LHFPL3: variants seen among roughly 807,000 people sequenced by gnomAD.
LHFPL3 encodes the protein LHFPL tetraspan subfamily member 3 protein.
A neutral mutation model predicts 19.3 loss-of-function variants in LHFPL3; 5 were observed. The ratio of observed to expected loss-of-function variants is 0.26; its 90% CI spans 0.14 to 0.54. The LOEUF (loss-of-function observed/expected upper bound fraction) is 0.54. Ranked by LOEUF, LHFPL3 falls within the 20% of genes least tolerant of loss-of-function variation. The pLI, the probability that LHFPL3 is intolerant of heterozygous loss-of-function variation, is 0.94. For missense variants in LHFPL3, 249 were observed against 307.4 expected (o/e 0.81, Z 1.42); for synonymous variants, 133 against 126.2 (o/e 1.05, Z -0.36).
chr7:104,807,096 T>C (rs1368878556), intron 2 of LHFPL3, among the ~76,000 whole-genome samples: 1 of 150,810 alleles, frequency 6.6e-6, no homozygotes, highest in Non-Finnish European at 1.5e-5. Context: ...GTAATTTTAT[T>C]TGGAAACAAA....
At chr7:104,493,141 G>A (rs1330610859) in intron 1 of LHFPL3, among the ~76,000 whole-genome samples, 1 of 152,112 alleles carries the variant, frequency 6.6e-6, no homozygotes, top group Non-Finnish European at 1.5e-5. Context: ...CTCAAAGGTT[G>A]CTAATTACCT....
At chr7:104,754,608 G>A (rs1029020400) in intron 2 of LHFPL3, among the ~76,000 whole-genome samples, 6 of 152,150 alleles carry the variant, frequency 3.9e-5, no homozygotes, top group East Asian at 1.9e-4. Context: ...ATCCAAGTAC[G>A]GCACTTAGCT....
chr7:104,754,981 C>T (rs970023628), intron 2 of LHFPL3, among the ~76,000 whole-genome samples: 4 of 152,092 alleles, frequency 2.6e-5, no homozygotes, highest in South Asian at 2.1e-4. Context: ...GGGGAGGATC[C>T]GGGGTCTGCA....
At chr7:104,490,717 A>T (rs548057483) in intron 1 of LHFPL3, among the ~76,000 whole-genome samples, 21 of 152,194 alleles carry the variant, frequency 1.4e-4, no homozygotes, top group Non-Finnish European at 2.6e-4. Flanking sequence ...TAAATGGGAA[A>T]AATTGATTTT....
chr7:104,352,238 T>A (rs1254361173), intron 1 of LHFPL3, among the ~76,000 whole-genome samples: 1 of 151,836 alleles, frequency 6.6e-6, no homozygotes, highest in Non-Finnish European at 1.5e-5. Flanking sequence ...GAATAATATA[T>A]GTAAATTATT....
chr7:104,610,985 C>T (rs935087379), intron 1 of LHFPL3, among the ~76,000 whole-genome samples: 7 of 152,114 alleles, frequency 4.6e-5, no homozygotes, highest in Admixed American at 6.6e-5. Context: ...TAGCATGAAT[C>T]GGTTGACTCC....
intron 1 of LHFPL3, among the ~76,000 whole-genome samples, chr7:104,420,221 G>A (rs997746887): frequency 6.6e-6 from 1 of 152,192 alleles, no homozygotes; most frequent in Non-Finnish European, 1.5e-5. Flanking sequence ...CACACAGAAG[G>A]GAGAGAACCA....
intron 1 of LHFPL3, among the ~76,000 whole-genome samples, chr7:104,497,750 T>G (rs958444586): frequency 6.6e-6 from 1 of 152,156 alleles, no homozygotes; most frequent in Non-Finnish European, 1.5e-5. Flanking sequence ...CTTTTGGCCC[T>G]GATATCCCGG....
intron 2 of LHFPL3, among the ~76,000 whole-genome samples, chr7:104,764,200 A>C (rs1034562345): frequency 6.6e-6 from 1 of 151,706 alleles, no homozygotes; most frequent in Non-Finnish European, 1.5e-5. Flanking sequence ...ACAGAGTCTC[A>C]CTCTGTTGCC....
chr7:104,669,013 T>A, intron 1 of LHFPL3: 2 of 1,611,976 alleles, frequency 1.2e-6, no homozygotes, highest in Non-Finnish European at 1.7e-6. Context: ...AAGTGAGTCA[T>A]CACAGACTGG....
chr7:104,880,747 C>A (rs1309703944), intron 2 of LHFPL3, among the ~76,000 whole-genome samples: 3 of 152,032 alleles, frequency 2.0e-5, no homozygotes, highest in South Asian at 2.1e-4. Context: ...AGCTGGTCAC[C>A]CAAGAGCTGT....
At chr7:104,428,177 A>G (rs891578088) in intron 1 of LHFPL3, among the ~76,000 whole-genome samples, 1 of 152,184 alleles carries the variant, frequency 6.6e-6, no homozygotes, top group African/African-American at 2.4e-5. Context: ...ATTTTTGTAG[A>G]TGTCCGTCCA....
chr7:104,340,742 A>T (rs1408742056), intron 1 of LHFPL3, among the ~76,000 whole-genome samples: 1 of 152,198 alleles, frequency 6.6e-6, no homozygotes, highest in African/African-American at 2.4e-5. Flanking sequence ...AATGAATTGT[A>T]TGCATTACTA....
At chr7:104,900,329 G>C (rs1404837658) in intron 2 of LHFPL3, among the ~76,000 whole-genome samples, 1 of 152,142 alleles carries the variant, frequency 6.6e-6, no homozygotes, top group Admixed American at 6.6e-5. Flanking sequence ...AGAAAGAGAC[G>C]TTCATGAGTT....
At chr7:104,868,476 T>C (rs1283432113) in intron 2 of LHFPL3, among the ~76,000 whole-genome samples, 23 of 152,076 alleles carry the variant, frequency 1.5e-4, no homozygotes, top group Admixed American at 1.3e-3. Flanking sequence ...CCATTCACAA[T>C]TGCTTCAAAA....
intron 1 of LHFPL3, among the ~76,000 whole-genome samples, chr7:104,710,141 C>T (rs1412574590): frequency 1.3e-5 from 2 of 152,158 alleles, no homozygotes; most frequent in African/African-American, 2.4e-5. Context: ...GCCAACACGG[C>T]GAAACCCCAT....
chr7:104,771,050 T>C (rs1221733598), intron 2 of LHFPL3, among the ~76,000 whole-genome samples: 4 of 152,142 alleles, frequency 2.6e-5, no homozygotes, highest in African/African-American at 4.8e-5. Flanking sequence ...TTGTTCACAC[T>C]TTTTGGGGGC....
intron 1 of LHFPL3, among the ~76,000 whole-genome samples, chr7:104,540,355 G>A (rs1226758251): frequency 3.9e-5 from 6 of 152,156 alleles, no homozygotes; most frequent in Non-Finnish European, 8.8e-5. Flanking sequence ...TGCCCCCCAG[G>A]TTACAGGGAC....
intron 1 of LHFPL3, among the ~76,000 whole-genome samples, chr7:104,633,313 C>T (rs1791676417): frequency 1.3e-5 from 2 of 152,148 alleles, no homozygotes; most frequent in Admixed American, 6.5e-5. Context: ...TCAACAAATA[C>T]AAATTTCTAG....
Sources: allele counts gnomAD v4.1 joint callset (sites outside exome capture counted in the v4.1 genomes callset), GRCh38; gene constraint gnomAD v4.1.1; transcripts MANE v1.5; gene names NCBI Gene and HGNC (gene_info 2026-07-23, HGNC 2026-07-21).